The following CMTM4 variants were observed in gnomAD, a reference collection of about 807,000 sequenced individuals.
CMTM4 encodes CKLF like MARVEL transmembrane domain containing 4.
Under a neutral mutation model 19.0 loss-of-function variants are expected in CMTM4, and 8 were observed. The observed-to-expected ratio is 0.42, with a 90% CI of 0.25 to 0.76. The LOEUF (loss-of-function observed/expected upper bound fraction) is 0.76. CMTM4 is among the 30% of genes least tolerant of loss of function. CMTM4 has a pLI of 0.27. For missense variants in CMTM4, 228 were observed against 290.2 expected, an observed-to-expected ratio of 0.79 and a Z score of 1.56; for synonymous variants, 106 against 121.1, an observed-to-expected ratio of 0.88 and a Z score of 0.82.
intron 1 of CMTM4, among the ~76,000 whole-genome samples, chr16:66,689,452 C>T (rs977269220): frequency 1.3e-5 from 2 of 152,144 alleles, no homozygotes; most frequent in Non-Finnish European, 2.9e-5. Flanking sequence ...CACTCTGTTG[C>T]CCAGGCTGGA....
At chr16:66,606,110 T>C in the CMTM4 span, among the ~76,000 whole-genome samples, 1 of 151,266 alleles carries the variant, frequency 6.6e-6, no homozygotes, top group Admixed American at 6.6e-5. Context: ...CCAGCAGATG[T>C]CAGGAATCCA....
intron 1 of CMTM4, among the ~76,000 whole-genome samples, chr16:66,667,417 T>A (rs968043337): frequency 6.6e-6 from 1 of 152,182 alleles, no homozygotes; most frequent in Non-Finnish European, 1.5e-5. Context: ...ACTAGGGACC[T>A]GCTATGTACT....
chr16:66,649,459 C>CTATCCATCTATCT (rs1555500121), intron 1 of CMTM4, among the ~76,000 whole-genome samples: 33 of 149,384 alleles, frequency 2.2e-4, no homozygotes, highest in Admixed American at 1.7e-3. Flanking sequence ...TCTATCTATC[C>CTATCCATCTATCT]ATCTATCTAT....
chr16:66,608,111 G>C, the CMTM4 span, among the ~76,000 whole-genome samples: 1 of 152,172 alleles, frequency 6.6e-6, no homozygotes, highest in African/African-American at 2.4e-5. This position sits in a 1 kb window ranked among gnomAD's most constrained non-coding sequence, Gnocchi z 5.1. Context: ...CTCTCAAAGT[G>C]CTAGGATTAC....
At chr16:66,611,841 TG>T (rs1567396434), downstream of CMTM4, among the ~76,000 whole-genome samples, 1 of 151,248 alleles carries the variant, frequency 6.6e-6, no homozygotes, top group African/African-American at 2.4e-5. Flanking sequence ...AAACAAGGAT[TG>T]GGGGAGGGGG....
At chr16:66,600,594 C>T in the CMTM4 span, among the ~76,000 whole-genome samples, 1 of 151,974 alleles carries the variant, frequency 6.6e-6, no homozygotes, top group Admixed American at 6.6e-5. Flanking sequence ...GACCAGCTCC[C>T]CCCATCTTCC....
At chr16:66,680,601 C>T (rs529565147) in intron 1 of CMTM4, among the ~76,000 whole-genome samples, 18 of 151,462 alleles carry the variant, frequency 1.2e-4, no homozygotes, top group African/African-American at 4.4e-4. Context: ...GGTGAAACCC[C>T]GTCTCTACTA....
intron 2 of CMTM4, among the ~76,000 whole-genome samples, chr16:66,624,266 G>T (rs1004977070): frequency 1.3e-5 from 2 of 152,182 alleles, no homozygotes; most frequent in African/African-American, 4.8e-5. Flanking sequence ...CAGCTACAGT[G>T]GCCTACATAT....
At chr16:66,661,537 G>A (rs982745420) in intron 1 of CMTM4, among the ~76,000 whole-genome samples, 6 of 152,164 alleles carry the variant, frequency 3.9e-5, no homozygotes, top group African/African-American at 1.4e-4. Flanking sequence ...TCGCTAATAT[G>A]AAAAGATAGT....
At chr16:66,610,724 A>T (rs1019678698), downstream of CMTM4, 1 of 398,224 alleles carries the variant, frequency 2.5e-6, no homozygotes, top group Non-Finnish European at 4.4e-6. The surrounding 1 kb of genome is among the most constrained non-coding windows in gnomAD (Gnocchi z 4.6). Flanking sequence ...CTGTGCTGGC[A>T]GTGCCTGTGG....
the CMTM4 span, among the ~76,000 whole-genome samples, chr16:66,607,256 C>T: frequency 1.3e-5 from 2 of 152,220 alleles, no homozygotes; most frequent in East Asian, 3.9e-4. Context: ...CATCCTCCTG[C>T]ATCAGCTCTT....
intron 1 of CMTM4, among the ~76,000 whole-genome samples, chr16:66,693,253 A>C (rs2017170472): frequency 6.6e-6 from 1 of 151,896 alleles, no homozygotes; most frequent in South Asian, 2.1e-4. Context: ...CACACCACTA[A>C]ATTTATTTTT....
In CMTM4 at chr16:66,621,027, G is replaced by A; in HGVS notation, c.*1031C>T. 2.0e-6 allele frequency: 2 copies of A among 985,888 alleles called. No homozygotes were observed. The allele number at this position is 985,888 out of a possible 1,614,324, so 61.1% of individuals were successfully genotyped here. On this transcript the variant is annotated 3_prime_UTR_variant, in exon 4 of 4. Transcript: ENST00000394106. The stretch of plus-strand genomic sequence containing the variant: ...ATTAGTGCCTTCTGAAACATGGGTG[G>A]AAGGGTGTGTTCTGGTGCAAATTCA...
intron 1 of CMTM4, among the ~76,000 whole-genome samples, chr16:66,653,803 G>A (rs1012040717): frequency 2.0e-5 from 3 of 152,102 alleles, no homozygotes; most frequent in African/African-American, 7.2e-5. Flanking sequence ...GAGCAATCTC[G>A]GCTCACTGCA....
In CMTM4 at chr16:66,696,112, G is replaced by A. The variant is rs1439230139; in HGVS notation, c.186+228C>T. Reference sequence around the variant, plus strand: ...GGCCCGAAGGCAGGTGCTCAGGTAGGAGGCGCACACCTGAGGCTGCCGGCC... The same window carrying A: ...GGCCCGAAGGCAGGTGCTCAGGTAGAAGGCGCACACCTGAGGCTGCCGGCC... On this transcript the variant is annotated intron_variant, in intron 1 of 3. Coordinates refer to ENST00000394106, the MANE Select transcript of CMTM4 (RefSeq NM_181521.3). This position sits in a 1 kb window ranked among gnomAD's most constrained non-coding sequence, Gnocchi z 4.3. 6.6e-6 allele frequency among the ~76,000 whole-genome samples: 1 copy of A among 152,204 alleles called. No homozygotes were observed. The highest frequency in any genetic ancestry group is 1.5e-5 in the Non-Finnish European group (1 of 68,030).
chr16:66,623,318 G>T, intron 3 of CMTM4, 86 bp downstream of exon 3: 1 of 901,062 alleles, frequency 1.1e-6, no homozygotes. Context: ...GCCACAGGAG[G>T]GGGAGCAGGA....
chr16:66,630,293 T>TCTCCCC (rs2015824564), intron 2 of CMTM4, among the ~76,000 whole-genome samples: 1 of 67,952 alleles, frequency 1.5e-5, no homozygotes, highest in Non-Finnish European at 2.9e-5. Context: ...TCCCTCTCCC[T>TCTCCCC]CTCCCCCTCC....
At chr16:66,649,366 T>G (rs2016266767) in intron 1 of CMTM4, among the ~76,000 whole-genome samples, 1 of 152,140 alleles carries the variant, frequency 6.6e-6, no homozygotes, top group Non-Finnish European at 1.5e-5. Context: ...CCAGGCACGA[T>G]CCTAACTCTA....
the CMTM4 span, chr16:66,605,200 C>A: frequency 2.7e-6 from 1 of 368,158 alleles, no homozygotes; most frequent in Non-Finnish European, 4.9e-6. This position sits in a 1 kb window ranked among gnomAD's most constrained non-coding sequence, Gnocchi z 4.6. Context: ...AGCTGGGGGC[C>A]GTGGGAAGTG....
Sources: gnomAD v4.1 joint callset for allele counts (sites outside exome capture counted in the v4.1 genomes callset) on GRCh38, gnomAD v4.1.1 for gene constraint, Gnocchi (gnomAD v3.1) non-coding constraint, MANE v1.5 for transcripts, NCBI Gene and HGNC (gene_info 2026-07-23, HGNC 2026-07-21) for gene names.